NHSL3: variants seen among roughly 807,000 people sequenced by gnomAD.
The protein encoded by NHSL3 is NHS like 3.
At chr1:32,751,043 TC>T in the NHSL3 span, among the ~76,000 whole-genome samples, 1 of 148,360 alleles carries the variant, frequency 6.7e-6, no homozygotes. Flanking sequence ...ACTCCCGACC[TC>T]AGGTGATCTG....
chr1:32,763,936 C>T, the NHSL3 span, among the ~76,000 whole-genome samples: 6 of 152,086 alleles, frequency 3.9e-5, no homozygotes, highest in Admixed American at 6.6e-5. Context: ...ACATGGCTCA[C>T]GGCAGCCCCA....
the NHSL3 span, among the ~76,000 whole-genome samples, chr1:32,761,482 C>T: frequency 1.3e-5 from 2 of 152,140 alleles, no homozygotes; most frequent in African/African-American, 4.8e-5. Flanking sequence ...GCTGATGTTC[C>T]TCCACCCCCA....
chr1:32,754,031 C>A, the NHSL3 span: 3 of 552,204 alleles, frequency 5.4e-6, no homozygotes, highest in Admixed American at 6.9e-5. Flanking sequence ...GGGCTGCGGG[C>A]CCGGCGGCCG....
chr1:32,756,111 G>C, the NHSL3 span, among the ~76,000 whole-genome samples: 3 of 152,138 alleles, frequency 2.0e-5, no homozygotes, highest in Non-Finnish European at 4.4e-5. Flanking sequence ...AAGCTTTAAG[G>C]CGTTCTGAAA....
chr1:32,744,985 AC>A, the NHSL3 span, among the ~76,000 whole-genome samples: 1 of 151,974 alleles, frequency 6.6e-6, no homozygotes, highest in African/African-American at 2.4e-5. Flanking sequence ...AATTTGCCAG[AC>A]AAGGTGGCGT....
the NHSL3 span, chr1:32,770,780 C>T: frequency 1.9e-6 from 3 of 1,583,732 alleles, no homozygotes; most frequent in Non-Finnish European, 1.7e-6. This position sits in a 1 kb window ranked among gnomAD's most constrained non-coding sequence, Gnocchi z 8.3. Context: ...CCCCAGCTGC[C>T]TCGGCCACCC....
the NHSL3 span, chr1:32,768,589 A>C: frequency 1.3e-6 from 2 of 1,590,882 alleles, no homozygotes; most frequent in South Asian, 2.2e-5. Flanking sequence ...TTGTCTCAAA[A>C]AAAAGTTCCA....
chr1:32,770,911 C>T, the NHSL3 span: 3 of 1,611,042 alleles, frequency 1.9e-6, no homozygotes, highest in Middle Eastern at 1.7e-4. This position sits in a 1 kb window ranked among gnomAD's most constrained non-coding sequence, Gnocchi z 8.3. Flanking sequence ...AGAACGGACA[C>T]TTTCGCCCTC....
At chr1:32,773,032 T>TA in the NHSL3 span, 2 of 742,080 alleles carry the variant, frequency 2.7e-6, no homozygotes, top group Non-Finnish European at 2.4e-6. Flanking sequence ...CTTCGATACT[T>TA]ATGCAAGCCT....
At chr1:32,756,113 G>A in the NHSL3 span, among the ~76,000 whole-genome samples, 1 of 152,100 alleles carries the variant, frequency 6.6e-6, no homozygotes, top group Non-Finnish European at 1.5e-5. Flanking sequence ...GCTTTAAGGC[G>A]TTCTGAAAAA....
chr1:32,742,006 C>G, the NHSL3 span: 12 of 1,219,896 alleles, frequency 9.8e-6, no homozygotes, highest in Non-Finnish European at 1.2e-5. Context: ...GCCGGGGAAC[C>G]CGGGCGGCCC....
chr1:32,752,915 A>G, the NHSL3 span, among the ~76,000 whole-genome samples: 1 of 5,516 alleles, frequency 1.8e-4, no homozygotes, highest in South Asian at 0.014. Context: ...ACACACACAC[A>G]CACACACACA....
the NHSL3 span, chr1:32,770,708 G>C: frequency 6.5e-7 from 1 of 1,542,932 alleles, no homozygotes; most frequent in East Asian, 2.3e-5. The surrounding 1 kb of genome is among the most constrained non-coding windows in gnomAD (Gnocchi z 8.3). Flanking sequence ...CTCCATCAGC[G>C]GGGCTTAGCA....
At chr1:32,772,073 C>T in the NHSL3 span, 4 of 1,612,654 alleles carry the variant, frequency 2.5e-6, no homozygotes, top group Admixed American at 1.7e-5. Context: ...CCTCCCCAGT[C>T]CCCTGCCTCA....
the NHSL3 span, among the ~76,000 whole-genome samples, chr1:32,742,611 G>T: frequency 6.6e-6 from 1 of 152,242 alleles, no homozygotes; most frequent in African/African-American, 2.4e-5. Flanking sequence ...GGTCTGGAAG[G>T]TCAACCGCAC....
the NHSL3 span, chr1:32,770,801 G>T: frequency 1.9e-6 from 3 of 1,593,798 alleles, no homozygotes; most frequent in Non-Finnish European, 2.6e-6. The surrounding 1 kb of genome is among the most constrained non-coding windows in gnomAD (Gnocchi z 8.3). Context: ...ACCACTGGTG[G>T]CTCAGAAGGG....
the NHSL3 span, chr1:32,770,876 G>A: frequency 9.9e-6 from 16 of 1,608,960 alleles, no homozygotes; most frequent in South Asian, 1.8e-4. The surrounding 1 kb of genome is among the most constrained non-coding windows in gnomAD (Gnocchi z 8.3). Context: ...TCTCCGGGTG[G>A]TTCCCGGCGC....
At chr1:32,765,733 G>A in the NHSL3 span, 2 of 1,546,546 alleles carry the variant, frequency 1.3e-6, no homozygotes, top group Non-Finnish European at 1.7e-6. Flanking sequence ...GGAGAGGCAG[G>A]GTGGGATAGG....
chr1:32,772,439 C>T, the NHSL3 span: 3 of 1,520,840 alleles, frequency 2.0e-6, no homozygotes, highest in African/African-American at 1.4e-5. Flanking sequence ...CTCCCGGGCT[C>T]AGGTACAGTG....
Sources: gnomAD v4.1 joint callset for allele counts (sites outside exome capture counted in the v4.1 genomes callset) on GRCh38, gnomAD v4.1.1 for gene constraint, Gnocchi (gnomAD v3.1) non-coding constraint, MANE v1.5 for transcripts, NCBI Gene and HGNC (gene_info 2026-07-23, HGNC 2026-07-21) for gene names.